FBXL13: variants seen among roughly 807,000 people sequenced by gnomAD.
The protein encoded by FBXL13 is F-box and leucine-rich repeat protein 13.
Under a neutral mutation model 83.6 loss-of-function variants are expected in FBXL13, and 67 were observed. That is an observed-to-expected ratio of 0.80 (90% CI 0.66 to 0.98). FBXL13 has a LOEUF of 0.98. FBXL13 is among the 50% of genes least tolerant of loss of function. FBXL13 has a pLI of 0.00. For missense variants in FBXL13, 822 were observed against 866.5 expected (o/e 0.95, Z 0.64); for synonymous variants, 272 against 299.5 (o/e 0.91, Z 0.95).
At chr7:102,987,218 A>G (rs1383925807) in intron 6 of FBXL13, among the ~76,000 whole-genome samples, 4 of 152,158 alleles carry the variant, frequency 2.6e-5, no homozygotes, top group African/African-American at 9.7e-5. Context: ...TTCAGGTGAC[A>G]GGTACCCTAA....
chr7:102,943,680 C>A (rs988274281), intron 8 of FBXL13, among the ~76,000 whole-genome samples: 2 of 152,110 alleles, frequency 1.3e-5, no homozygotes, highest in African/African-American at 4.8e-5. Context: ...CCCTGTGTAG[C>A]CAAGCAGATA....
intron 16 of FBXL13, among the ~76,000 whole-genome samples, chr7:102,856,410 A>G (rs1166929025): frequency 2.6e-5 from 4 of 152,224 alleles, no homozygotes; most frequent in Admixed American, 2.0e-4. Context: ...ATGTTTTAGT[A>G]TGCTATAGAA....
intron 8 of FBXL13, chr7:102,944,197 T>G (rs1291427193): frequency 1.3e-6 from 2 of 1,585,728 alleles, no homozygotes; most frequent in Non-Finnish European, 1.7e-6. Flanking sequence ...CAATAAATAT[T>G]TTCTGTTTCC....
intron 6 of FBXL13, chr7:102,973,320 A>T (rs1262827338): frequency 1.7e-6 from 1 of 575,486 alleles, no homozygotes; most frequent in East Asian, 3.6e-5. Context: ...AGTCAGCAAG[A>T]TAGCAGAAGC....
chr7:102,844,564 T>C (rs1803595026), intron 17 of FBXL13, among the ~76,000 whole-genome samples: 1 of 152,146 alleles, frequency 6.6e-6, no homozygotes, highest in Non-Finnish European at 1.5e-5. Context: ...GACAAAATCA[T>C]GCCATATTAA....
chr7:102,887,851 A>G (rs1295761700), intron 11 of FBXL13, among the ~76,000 whole-genome samples: 1 of 152,252 alleles, frequency 6.6e-6, no homozygotes, highest in Non-Finnish European at 1.5e-5. Flanking sequence ...TAACCATCAC[A>G]GAAGGAAATA....
At chr7:102,824,017 A>G (rs1799201116) in intron 18 of FBXL13, among the ~76,000 whole-genome samples, 1 of 152,220 alleles carries the variant, frequency 6.6e-6, no homozygotes. Flanking sequence ...GGAAAAGTCC[A>G]GGGGAGGTGG....
At chr7:102,880,005 G>A (rs923231338) in intron 14 of FBXL13, among the ~76,000 whole-genome samples, 8 of 152,106 alleles carry the variant, frequency 5.3e-5, no homozygotes, top group East Asian at 1.9e-4. Context: ...CACGCCCGAC[G>A]GGCATCTATA....
At chr7:102,918,142 C>T (rs1384914380) in intron 10 of FBXL13, among the ~76,000 whole-genome samples, 1 of 152,174 alleles carries the variant, frequency 6.6e-6, no homozygotes, top group African/African-American at 2.4e-5. Context: ...GTTTCGAGAA[C>T]ATTTTTGCAT....
chr7:103,033,163 GTTTT>G (rs569019570), intron 2 of FBXL13, among the ~76,000 whole-genome samples: 2 of 151,902 alleles, frequency 1.3e-5, no homozygotes, highest in African/African-American at 4.9e-5. Flanking sequence ...TTTTTTGTTT[GTTTT>G]TTGTTTTTGT....
chr7:102,828,527 C>T (rs529421514), intron 18 of FBXL13, among the ~76,000 whole-genome samples: 1 of 152,310 alleles, frequency 6.6e-6, no homozygotes, highest in Non-Finnish European at 1.5e-5. Flanking sequence ...TCTCTTACTC[C>T]TCTCCCTTTA....
intron 11 of FBXL13, among the ~76,000 whole-genome samples, chr7:102,889,116 C>G (rs568063735): frequency 2.0e-5 from 3 of 152,280 alleles, no homozygotes; most frequent in African/African-American, 7.2e-5. Flanking sequence ...AATCAAGAAG[C>G]AGGAGTAGGG....
chr7:102,876,878 A>G (rs1174451233), intron 16 of FBXL13, among the ~76,000 whole-genome samples: 1 of 152,198 alleles, frequency 6.6e-6, no homozygotes, highest in Non-Finnish European at 1.5e-5. Flanking sequence ...TTCCTTGTAT[A>G]ACTATAGCCC....
chr7:103,005,435 G>A (rs1790880340), intron 6 of FBXL13, among the ~76,000 whole-genome samples: 1 of 152,010 alleles, frequency 6.6e-6, no homozygotes. Flanking sequence ...GATTTAGCAT[G>A]ATGAAAATTA....
intron 10 of FBXL13, among the ~76,000 whole-genome samples, chr7:102,925,017 A>C (rs1817841440): frequency 6.6e-6 from 1 of 152,180 alleles, no homozygotes; most frequent in South Asian, 2.1e-4. Flanking sequence ...ATTCTTTCAC[A>C]ATAGTTTGAG....
At chr7:103,048,963 T>C (rs1796548116) in intron 2 of FBXL13, among the ~76,000 whole-genome samples, 1 of 152,220 alleles carries the variant, frequency 6.6e-6, no homozygotes, top group South Asian at 2.1e-4. Context: ...AATCACATGT[T>C]ATAATGGTAA....
intron 17 of FBXL13, among the ~76,000 whole-genome samples, chr7:102,843,890 C>T (rs748710759): frequency 5.3e-5 from 8 of 152,190 alleles, no homozygotes; most frequent in Non-Finnish European, 7.3e-5. Flanking sequence ...AGTGGAGGTT[C>T]TAATATCTCT....
At chr7:102,964,337 G>C (rs1240718867) in intron 7 of FBXL13, among the ~76,000 whole-genome samples, 1 of 150,414 alleles carries the variant, frequency 6.6e-6, no homozygotes, top group Non-Finnish European at 1.5e-5. Flanking sequence ...AATAGATAGA[G>C]CTAAGGAAAT....
intron 11 of FBXL13, among the ~76,000 whole-genome samples, chr7:102,897,855 G>A (rs1204141020): frequency 6.6e-6 from 1 of 152,126 alleles, no homozygotes; most frequent in East Asian, 1.9e-4. Context: ...AATATAAGAT[G>A]ACTTTAATAC....
Sources: allele counts gnomAD v4.1 joint callset (sites outside exome capture counted in the v4.1 genomes callset), GRCh38; gene constraint gnomAD v4.1.1; transcripts MANE v1.5; gene names NCBI Gene and HGNC (gene_info 2026-07-23, HGNC 2026-07-21).